SFRP2: variants seen among roughly 807,000 people sequenced by gnomAD.
The protein encoded by SFRP2 is secreted frizzled related protein 2.
Under a neutral mutation model 26.0 loss-of-function variants are expected in SFRP2, and 16 were observed. The ratio of observed to expected loss-of-function variants is 0.61; its 90% CI spans 0.42 to 0.93. SFRP2 has a LOEUF of 0.93. SFRP2 is among the 40% of genes least tolerant of loss of function. The pLI, the probability that SFRP2 is intolerant of heterozygous loss-of-function variation, is 0.00. For missense variants in SFRP2, 343 were observed against 392.4 expected (o/e 0.87, Z 1.06); for synonymous variants, 173 against 167.3 (o/e 1.03, Z -0.26).
chr4:153,781,250 G>A lies in SFRP2; in HGVS notation c.*201C>T, dbSNP rs1280888795. The A allele has an allele frequency of 1.8e-6, 1 of 557,818 alleles. No individual in the cohort carries two copies. The highest frequency in any genetic ancestry group is 1.9e-5 in the African/African-American group (1 of 53,448). The allele number at this position is 557,818 out of a possible 1,614,324, so 34.6% of individuals were successfully genotyped here. ...AAGATTCGGGTGGGCTTTTCCTTTA[G>A]GTGAAAACAGCTATCCACTCCTGTG... On this transcript the variant is annotated 3_prime_UTR_variant, in exon 3 of 3. Transcript: ENST00000274063.
chr4:153,788,948 C>G lies in SFRP2; in HGVS notation c.-113G>C. 1.8e-5 allele frequency: 23 copies of G among 1,311,274 alleles called. No homozygotes were observed. Among genetic ancestry groups the G allele is most frequent in the Non-Finnish European group, 2.3e-5 (23 of 1,001,204 alleles). 81.2% of individuals were successfully genotyped at this position (1,311,274 alleles called of 1,614,324 possible). On this transcript the variant is annotated 5_prime_UTR_variant, in exon 1 of 3. Transcript: ENST00000274063. ...TCTTCGCTGGGTGCGACTCGGGGCCCCGAAAAGCTGGCAGCCGGCGGCTGG... is the reference window on the plus strand; with the variant it reads ...TCTTCGCTGGGTGCGACTCGGGGCCGCGAAAAGCTGGCAGCCGGCGGCTGG...
intron 2 of SFRP2, among the ~76,000 whole-genome samples, chr4:153,782,877 T>G (rs1410575794): frequency 1.3e-5 from 2 of 152,012 alleles, no homozygotes; most frequent in African/African-American, 4.8e-5. Context: ...TCTGTATAGA[T>G]GATGTGTAAG....
chr4:153,781,629 A>C lies in SFRP2; in HGVS notation c.710T>G (p.Leu237Arg). 1 of 1,614,146 alleles carries C rather than the reference A, an allele frequency of 6.2e-7. No homozygotes were observed. Among genetic ancestry groups the C allele is most frequent in the Non-Finnish European group, 8.5e-7 (1 of 1,180,014 alleles). ...GCACTGCAAGCTGTCTTTGAGCCAC[A>C]GCACCGATTTCTTCAGGTCCCTTTC... is the stretch of plus-strand genomic sequence containing the variant. ...VSERDLKKSV[L>R]WLKDSLQCTC... Residue 237 changes from leucine (L) to arginine (R), a missense_variant, in exon 3 of 3, where the codon CTG (leucine) becomes CGG (arginine). Physicochemically the swap from Leu to Arg is moderately radical, Grantham distance 102 (BLOSUM62 -2). Transcript: ENST00000274063.
chr4:153,780,701 T>C lies in SFRP2; in HGVS notation c.*750A>G, dbSNP rs1337796607. Reference sequence around the variant, plus strand: ...CAACTTTTAAAGGTAAACTACTATGTATATTACAGGTAAGCTACAATGGGT... The same window carrying C: ...CAACTTTTAAAGGTAAACTACTATGCATATTACAGGTAAGCTACAATGGGT... On this transcript the variant is annotated 3_prime_UTR_variant, in exon 3 of 3. Coordinates refer to ENST00000274063, the MANE Select transcript of SFRP2 (RefSeq NM_003013.3). The C allele has an allele frequency of 6.5e-6, 1 of 152,700 alleles. No homozygotes were observed. Among genetic ancestry groups the C allele is most frequent in the Admixed American group, 6.5e-5 (1 of 15,284 alleles). 9.5% of individuals were successfully genotyped at this position (152,700 alleles called of 1,614,324 possible). A position where few individuals can be genotyped will look rare whatever the true frequency, so the allele number is the denominator to read the frequency against.
chr4:153,784,843 C>T (rs1293631953), intron 2 of SFRP2, among the ~76,000 whole-genome samples: 1 of 152,238 alleles, frequency 6.6e-6, no homozygotes, highest in Admixed American at 6.5e-5. Flanking sequence ...AATTCCAACA[C>T]ACCAAAAGGT....
At chr4:153,786,094 CTCAA>C (rs757263977) in intron 1 of SFRP2, 150 bp from the exon 2 acceptor site, 71 of 532,370 alleles carry the variant, frequency 1.3e-4, no homozygotes, top group Admixed American at 2.7e-4. Flanking sequence ...AGCAGGAACA[CTCAA>C]TCCTAAGAAA....
chr4:153,786,786 G>T (rs1741216952), intron 1 of SFRP2, among the ~76,000 whole-genome samples: 1 of 151,622 alleles, frequency 6.6e-6, no homozygotes, highest in Admixed American at 6.6e-5. Context: ...CAAACTTAGG[G>T]ATTGTATACT....
rs757918334 is a variant in SFRP2, at chr4:153,781,612, A to G, written c.727T>C (p.Leu243=). 1.7e-5 allele frequency: 28 copies of G among 1,614,086 alleles called. No individual in the cohort carries two copies. The highest frequency in any genetic ancestry group is 1.6e-4 in the Middle Eastern group (1 of 6,084). ...KKSVLWLKDS[L]QCTCEEMNDI... ...TTCATCTCCTCACAGGTGCACTGCA[A>G]GCTGTCTTTGAGCCACAGCACCGAT... The change falls in exon 3 of 3, where the codon TTG becomes CTG. Residue 243 remains leucine (L), a synonymous_variant. Coordinates refer to ENST00000274063, the MANE Select transcript of SFRP2 (RefSeq NM_003013.3).
rs76074060 is a variant in SFRP2 at position 153,782,479 on chromosome 4, C to T, written c.584-724G>A. ...ATGTATATGTAGACTCGTTAGAATGCGAAGACCAAAAGTAAGTGGTTTACT... is the reference window on the plus strand; with the variant it reads ...ATGTATATGTAGACTCGTTAGAATGTGAAGACCAAAAGTAAGTGGTTTACT... On this transcript the variant is annotated intron_variant, in intron 2 of 2. Coordinates refer to ENST00000274063, the MANE Select transcript of SFRP2 (RefSeq NM_003013.3). Among the ~76,000 whole-genome samples the T allele has an allele frequency of 3.3e-5, 5 of 152,164 alleles. No individual in the cohort carries two copies. In the East Asian group the frequency reaches 7.7e-4, roughly 23 times the overall value.
Position 153,785,968 on chromosome 4 carries a change from T to C in SFRP2, c.503-24A>G, listed in dbSNP as rs370056219. ...AGCTAGAAATGTGAAAAACAGTCTT[T>C]AGTAAGTTTGCTTAAAAGAGAACAG... On this transcript the variant is annotated intron_variant, in intron 1 of 2. Transcript: ENST00000274063. 5.0e-4 allele frequency: 765 copies of C among 1,526,692 alleles called. 9 individuals are homozygous for C. In the South Asian group the frequency reaches 8.8e-3, roughly 18 times the overall value. 94.6% of individuals were successfully genotyped at this position (1,526,692 alleles called of 1,614,324 possible). A position where few individuals can be genotyped will look rare whatever the true frequency, so the allele number is the denominator to read the frequency against.
chr4:153,787,231 T>TA (rs1212601055), intron 1 of SFRP2, among the ~76,000 whole-genome samples: 1 of 152,246 alleles, frequency 6.6e-6, no homozygotes, highest in Non-Finnish European at 1.5e-5. Flanking sequence ...ATTACTAACC[T>TA]GTATTGGTTG....
chr4:153,783,123 T>C (rs1741149125), intron 2 of SFRP2, among the ~76,000 whole-genome samples: 1 of 152,140 alleles, frequency 6.6e-6, no homozygotes, highest in Non-Finnish European at 1.5e-5. Flanking sequence ...ATGATATGCA[T>C]CTGAACTGTG....
In SFRP2 at chr4:153,785,959, AAC is replaced by A. The variant is rs752591339; in HGVS notation, c.503-17_503-16del. 55 of 1,560,890 alleles carry A rather than the reference AAC, an allele frequency of 3.5e-5. No individual in the cohort carries two copies. The highest frequency in any genetic ancestry group is 4.0e-5 in the Non-Finnish European group (46 of 1,146,306). Reference sequence around the variant, plus strand: ...TACCTTTGGAGCTAGAAATGTGAAAAACAGTCTTTAGTAAGTTTGCTTAAAAG... The same window carrying A: ...TACCTTTGGAGCTAGAAATGTGAAAAAGTCTTTAGTAAGTTTGCTTAAAAG... On this transcript the variant is annotated splice_polypyrimidine_tract_variant and intron_variant, in intron 1 of 2. Transcript: ENST00000274063.
chr4:153,785,267 G>A (rs1741184341), intron 2 of SFRP2, among the ~76,000 whole-genome samples: 1 of 152,004 alleles, frequency 6.6e-6, no homozygotes, highest in Admixed American at 6.6e-5. Context: ...GTGTTTTAAG[G>A]TTGTTAGGTG....
At position 153,788,787 on chromosome 4, in the gene SFRP2, A is replaced by C; in HGVS notation, c.49T>G (p.Cys17Gly). 1 of 1,608,496 alleles carries C rather than the reference A, an allele frequency of 6.2e-7. No homozygotes were observed. Among genetic ancestry groups the C allele is most frequent in the Middle Eastern group, 1.7e-4 (1 of 5,898 alleles). ...SLLLLFLASH[C>G]CLGSARGLFL... ...AGCCCGCGCGCCGAGCCCAGGCAGCAGTGCGAGGCGAGGAAGAGCAGCAGC... is the reference window on the plus strand; with the variant it reads ...AGCCCGCGCGCCGAGCCCAGGCAGCCGTGCGAGGCGAGGAAGAGCAGCAGC... The change falls in exon 1 of 3, where the codon TGC (cysteine) becomes GGC (glycine). Residue 17 changes from cysteine (C) to glycine (G), a missense_variant. Physicochemically the swap from Cys to Gly is radical, Grantham distance 159 (BLOSUM62 -3). Coordinates refer to ENST00000274063, the MANE Select transcript of SFRP2 (RefSeq NM_003013.3).
chr4:153,785,839 C>T, intron 2 of SFRP2, 25 bp downstream of exon 2: 2 of 1,394,790 alleles, frequency 1.4e-6, no homozygotes, highest in Non-Finnish European at 2.0e-6. Flanking sequence ...AATGTGAAAT[C>T]TGTTGTTGTT....
chr4:153,785,743 A>G, intron 2 of SFRP2, 121 bp downstream of exon 2: 1 of 609,950 alleles, frequency 1.6e-6, no homozygotes, highest in East Asian at 2.9e-5. Context: ...GGGATACATG[A>G]GCTATAATGG....
At chr4:153,782,455 T>C (rs1349438971) in intron 2 of SFRP2, among the ~76,000 whole-genome samples, 1 of 152,172 alleles carries the variant, frequency 6.6e-6, no homozygotes, top group East Asian at 1.9e-4. Flanking sequence ...GTTTCCAAAA[T>C]GTATATGTAG....
At chr4:153,783,229 TG>T (rs1423341174) in intron 2 of SFRP2, among the ~76,000 whole-genome samples, 2 of 152,008 alleles carry the variant, frequency 1.3e-5, no homozygotes, top group Non-Finnish European at 2.9e-5. Context: ...GGGAGTAGGG[TG>T]TTGGATAGAC....
Sources: gnomAD v4.1 joint callset for allele counts (sites outside exome capture counted in the v4.1 genomes callset) on GRCh38, gnomAD v4.1.1 for gene constraint, MANE v1.5 for transcripts, NCBI Gene and HGNC (gene_info 2026-07-23, HGNC 2026-07-21) for gene names.